The following MASP2 variants were observed in gnomAD, a reference collection of about 807,000 sequenced individuals.
MASP2 encodes the protein MBL associated serine protease 2.
In MASP2, 49 loss-of-function variants were observed where a neutral mutation model predicts 57.1. The ratio of observed to expected loss-of-function variants is 0.86; its 90% confidence interval spans 0.68 to 1.09. MASP2 has a LOEUF of 1.09. MASP2 is among the 50% of genes least tolerant of loss of function. The pLI is 0.00. For synonymous variants in MASP2, 379 were observed against 340.8 expected, an observed-to-expected ratio of 1.11 and a Z score of -1.24; for missense variants, 900 against 874.8, an observed-to-expected ratio of 1.03 and a Z score of -0.36.
Position 11,030,755 on chromosome 1 carries a change from C to T in MASP2, c.1215G>A (p.Val405=), listed in dbSNP as rs1643829706. The stretch of plus-strand genomic sequence containing the variant: ...TTTGAAGAATTTGCATACCATCATT[C>T]ACTTTCATTGTGTAGAAGGTCTCTT... ...SCEETFYTMK[V]NDGKYVCEAD... is the part of the protein sequence containing the mutation. The change falls in exon 9 of 11, where the codon GTG becomes GTA. Residue 405 remains valine, a synonymous_variant. Coordinates refer to ENST00000400897, the MANE Select transcript of MASP2 (RefSeq NM_006610.4). 1.9e-6 allele frequency: 3 copies of T among 1,602,270 alleles called. No homozygotes were observed. The highest frequency in any genetic ancestry group is 1.7e-6 in the Non-Finnish European group (2 of 1,176,346).
At chr1:11,028,871 A>G (rs1374637008) in intron 10 of MASP2, among the ~76,000 whole-genome samples, 1 of 150,918 alleles carries the variant, frequency 6.6e-6, no homozygotes, top group Admixed American at 6.6e-5. Context: ...ACGCCACCAC[A>G]CCTGGCTAAT....
Position 11,046,610 on chromosome 1 carries a change from C to G in MASP2, c.358G>C (p.Asp120His). 1 of 1,613,774 alleles carries G rather than the reference C, an allele frequency of 6.2e-7. No individual in the cohort carries two copies. The highest frequency in any genetic ancestry group is 8.5e-7 in the Non-Finnish European group (1 of 1,180,024). The change falls in exon 3 of 11, where the codon GAC (aspartate) becomes CAC (histidine). Residue 120 changes from aspartate (D) to histidine (H), a missense_variant. Asp to His is a moderately conservative substitution (Grantham distance 81, BLOSUM62 -1). Transcript: ENST00000400897. ...GSSLDITFRS[D>H]YSNEKPFTGF... ...GTGAACGGCTTCTCGTTGGAGTAGTCGGAGCGGAAGGTAATGTCCAGGCTG... is the reference window on the plus strand; with the variant it reads ...GTGAACGGCTTCTCGTTGGAGTAGTGGGAGCGGAAGGTAATGTCCAGGCTG...
chr1:11,043,237 AGGGTGAC>A, intron 5 of MASP2, 95 bp downstream of exon 5: 6 of 1,130,472 alleles, frequency 5.3e-6, no homozygotes, highest in Non-Finnish European at 7.6e-6. Flanking sequence ...GGGGTCACCG[AGGGTGAC>A]GGGAACGTGG....
chr1:11,031,367 CAAA>C (rs377624168), intron 8 of MASP2, among the ~76,000 whole-genome samples: 94 of 141,604 alleles, frequency 6.6e-4, no homozygotes, highest in African/African-American at 2.2e-3. Flanking sequence ...ACTAAAAATA[CAAA>C]AAAAAAAAAT....
intron 8 of MASP2, among the ~76,000 whole-genome samples, chr1:11,031,802 A>G (rs1392377451): frequency 2.0e-5 from 3 of 151,956 alleles, no homozygotes; most frequent in Non-Finnish European, 4.4e-5. Context: ...GGTCTCAGCT[A>G]CTCAGGAGGC....
chr1:11,033,803 T>C (rs1643869542), intron 8 of MASP2, among the ~76,000 whole-genome samples: 1 of 150,698 alleles, frequency 6.6e-6, no homozygotes, highest in African/African-American at 2.5e-5. Flanking sequence ...CGTGGTGGCA[T>C]GTGCCTGTAA....
chr1:11,045,308 G>A (rs779410930), intron 4 of MASP2, 100 bp downstream of exon 4: 8 of 1,562,604 alleles, frequency 5.1e-6, no homozygotes, highest in Non-Finnish European at 7.0e-6. Context: ...CAGTGTCCAG[G>A]GCCCAGGCCC....
intron 8 of MASP2, among the ~76,000 whole-genome samples, chr1:11,031,246 G>C (rs974172077): frequency 6.6e-6 from 1 of 151,530 alleles, no homozygotes; most frequent in Non-Finnish European, 1.5e-5. Flanking sequence ...ATCTGCGGCC[G>C]GGCGCGATGG....
intron 3 of MASP2, chr1:11,045,806 G>A: frequency 1.9e-6 from 1 of 532,598 alleles, no homozygotes; most frequent in Non-Finnish European, 3.4e-6. Flanking sequence ...AGCTAATGAG[G>A]GGAGTCAATC....
chr1:11,028,907 G>C lies in MASP2; in HGVS notation c.1298-1259C>G, dbSNP rs1643791462. 2.0e-5 allele frequency among the ~76,000 whole-genome samples: 3 copies of C among 149,802 alleles called. No homozygotes were observed. In the South Asian group the frequency reaches 6.4e-4, roughly 32 times the overall value. The stretch of plus-strand genomic sequence containing the variant: ...TTTTTGTATTTTTAATAGAGATGGG[G>C]TTTCACCGTTTTAGCCAGACTGGTC... On this transcript the variant is annotated intron_variant, in intron 10 of 10. Coordinates refer to ENST00000400897, the MANE Select transcript of MASP2 (RefSeq NM_006610.4).
At chr1:11,039,452 A>T (rs1638349196) in intron 6 of MASP2, among the ~76,000 whole-genome samples, 1 of 133,916 alleles carries the variant, frequency 7.5e-6, no homozygotes, top group Non-Finnish European at 1.6e-5. Flanking sequence ...ATAGAAAGAT[A>T]AGTAAGGTAG....
Position 11,043,415 on chromosome 1 carries a change from C to A in MASP2, c.665G>T (p.Ser222Ile). Residue 222 changes from serine to isoleucine, a missense_variant, in exon 5 of 11, where the codon AGT becomes ATT. Transcript: ENST00000400897. ...TYSISLEEGF[S>I]VILDFVESFD... ...GGACTCCACAAAGTCCAGAATGACA[C>A]TGAACCCCTCCTCCAGGCTGATGCT... The A allele has an allele frequency of 6.2e-7, 1 of 1,610,992 alleles. No individual in the cohort carries two copies. The highest frequency in any genetic ancestry group is 2.2e-5 in the East Asian group (1 of 44,866).
chr1:11,030,031 A>T, intron 10 of MASP2, 145 bp downstream of exon 10: 1 of 604,390 alleles, frequency 1.7e-6, no homozygotes, highest in Non-Finnish European at 2.9e-6. Context: ...GGTAATGAGA[A>T]CATACTATTT....
intron 4 of MASP2, chr1:11,045,180 A>T (rs72550888): frequency 0.02 from 15,330 of 768,438 alleles, 356 homozygotes; most frequent in Admixed American, 0.064. Flanking sequence ...CCAGGTACAC[A>T]GTGGGATGTT....
In MASP2 at chr1:11,046,947, A is replaced by G; in HGVS notation, c.178T>C (p.Tyr60His). ...AGCTCCAGGTCGAAGTGGGTGAAGT[A>G]GAGGCGCAGGCGGTAGCCGGGGGGT... is the stretch of plus-strand genomic sequence containing the variant. ...TAPPGYRLRL[Y>H]FTHFDLELSH... Residue 60 changes from tyrosine to histidine, a missense_variant, in exon 2 of 11, where the codon TAC becomes CAC. By Grantham distance (83) the Tyr-to-His change is moderately conservative. Transcript: ENST00000400897. The G allele has an allele frequency of 6.4e-7, 1 of 1,570,744 alleles. No homozygotes were observed. The highest frequency in any genetic ancestry group is 1.9e-5 in the Admixed American group (1 of 53,448).
At chr1:11,034,244 A>G (rs965666557) in intron 8 of MASP2, among the ~76,000 whole-genome samples, 23 of 105,434 alleles carry the variant, frequency 2.2e-4, no homozygotes, top group East Asian at 1.0e-3. Context: ...CCCTTCTCAG[A>G]AAAAAAAAAA....
At chr1:11,037,017 C>T (rs1251319984) in intron 7 of MASP2, among the ~76,000 whole-genome samples, 1 of 151,982 alleles carries the variant, frequency 6.6e-6, no homozygotes, top group Non-Finnish European at 1.5e-5. Flanking sequence ...GAGCTGCTGT[C>T]GTGTGTGACC....
intron 4 of MASP2, chr1:11,044,818 T>C: frequency 6.5e-7 from 1 of 1,545,442 alleles, no homozygotes; most frequent in Admixed American, 2.0e-5. Flanking sequence ...CCAGGTTTAT[T>C]ATTGGGTCCA....
In MASP2 at chr1:11,027,077, A is replaced by G. The variant is rs1250963821; in HGVS notation, c.1869T>C (p.Ser623=). Residue 623 remains serine (S), a synonymous_variant, in exon 11 of 11, where the codon AGT becomes AGC. Transcript: ENST00000400897. ...TANMLCAGLE[S]GGKDSCRGDS... is the part of the protein sequence containing the mutation. ...CACCTCTGCAGCTGTCCTTGCCCCCACTTTCTAAGCCAGCACAAAGCATGT... is the reference window on the plus strand; with the variant it reads ...CACCTCTGCAGCTGTCCTTGCCCCCGCTTTCTAAGCCAGCACAAAGCATGT... The G allele has an allele frequency of 6.3e-7, 1 of 1,594,696 alleles. No homozygotes were observed. Among genetic ancestry groups the G allele is most frequent in the Admixed American group, 1.7e-5 (1 of 57,688 alleles).
Sources: gnomAD v4.1 joint callset for allele counts (sites outside exome capture counted in the v4.1 genomes callset) on GRCh38, gnomAD v4.1.1 for gene constraint, MANE v1.5 for transcripts, NCBI Gene and HGNC (gene_info 2026-07-23, HGNC 2026-07-21) for gene names.